The following C1GALT1 variants were observed in gnomAD, a reference collection of about 807,000 sequenced individuals.
C1GALT1 encodes the protein glycoprotein-N-acetylgalactosamine 3-beta-galactosyltransferase 1.
C1GALT1 carries 11 observed loss-of-function variants against 31.0 expected under a neutral mutation model. The observed-to-expected ratio is 0.36, with a 90% confidence interval of 0.22 to 0.59. The LOEUF is 0.59. Ranked by LOEUF, C1GALT1 falls within the 20% of genes least tolerant of loss-of-function variation. The probability of loss-of-function intolerance (pLI) is 0.79; values close to 1 mark genes in which losing one functional copy is unlikely to be tolerated. For synonymous variants in C1GALT1, 175 were observed against 143.6 expected (o/e 1.22, Z -1.56); for missense variants, 424 against 425.2 (o/e 1.00, Z 0.03).
Position 7,189,999 on chromosome 7 carries a change from TAG to T in C1GALT1, c.-18+7182_-18+7183del, listed in dbSNP as rs138272801. Among the ~76,000 whole-genome samples, 1,052 of 152,268 alleles carry T rather than the reference TAG, an allele frequency of 6.9e-3. 16 individuals are homozygous for T. The highest frequency in any genetic ancestry group is 0.024 in the African/African-American group (1,001 of 41,532). On this transcript the variant is annotated intron_variant, in intron 1 of 3. Coordinates refer to ENST00000436587, the MANE Select transcript of C1GALT1 (RefSeq NM_020156.5). ...TTTCCACATGAATTTTTGTTTTCCATAGAGTCTTTATTTCAACCTGATGAAGT... is the reference window on the plus strand; with the variant it reads ...TTTCCACATGAATTTTTGTTTTCCATAGTCTTTATTTCAACCTGATGAAGT...
At chr7:7,227,576 C>T (rs377462348) in intron 1 of C1GALT1, among the ~76,000 whole-genome samples, 20 of 151,872 alleles carry the variant, frequency 1.3e-4, no homozygotes, top group African/African-American at 4.6e-4. Flanking sequence ...AAAAATTAGC[C>T]GGGCGTAGTG....
chr7:7,176,544 G>A (rs12667853), intron 2 of C1GALT1, among the ~76,000 whole-genome samples: 8,764 of 152,156 alleles, frequency 0.058, 336 homozygotes, highest in East Asian at 0.17. Context: ...TTCTAGCCTC[G>A]TAAGCTGAGA....
intron 1 of C1GALT1, among the ~76,000 whole-genome samples, chr7:7,196,127 A>G (rs548277207): frequency 3.4e-4 from 52 of 152,230 alleles, no homozygotes; most frequent in Non-Finnish European, 6.0e-4. Context: ...CGTTTGTTAC[A>G]TATGTATACA....
intron 1 of C1GALT1, among the ~76,000 whole-genome samples, chr7:7,196,780 A>C (rs1191399230): frequency 2.0e-5 from 3 of 152,066 alleles, no homozygotes; most frequent in African/African-American, 7.2e-5. Context: ...ATGGTATCTT[A>C]TTGTGGTTTT....
intron 3 of C1GALT1, among the ~76,000 whole-genome samples, chr7:7,242,857 A>G (rs1783692023): frequency 6.6e-6 from 1 of 152,128 alleles, no homozygotes; most frequent in Non-Finnish European, 1.5e-5. Flanking sequence ...TTTATTGGGC[A>G]TTTATTTTAA....
chr7:7,160,783 C>T (rs1484192959), intron 2 of C1GALT1, among the ~76,000 whole-genome samples: 1 of 151,876 alleles, frequency 6.6e-6, no homozygotes, highest in East Asian at 1.9e-4. Flanking sequence ...GAAACCAGTC[C>T]CCAGGACTAA....
In C1GALT1 at chr7:7,182,812, T is replaced by G. The variant is rs929952845; in HGVS notation, c.-26T>G. 1 of 985,384 alleles carries G rather than the reference T, an allele frequency of 1.0e-6. No individual in the cohort carries two copies. Among genetic ancestry groups the G allele is most frequent in the Non-Finnish European group, 1.2e-6 (1 of 830,064 alleles). 61.0% of individuals were successfully genotyped at this position (985,384 alleles called of 1,614,324 possible). A position where few individuals can be genotyped will look rare whatever the true frequency, so the allele number is the denominator to read the frequency against. Reference sequence around the variant, plus strand: ...AGGAGGGGCGAGAGGGAGCCGCAGCTGATGTCAGGTATGGCCGGCGGAGGC... The same window carrying G: ...AGGAGGGGCGAGAGGGAGCCGCAGCGGATGTCAGGTATGGCCGGCGGAGGC... On this transcript the variant is annotated 5_prime_UTR_variant, in exon 1 of 4. Transcript: ENST00000436587.
intron 1 of C1GALT1, among the ~76,000 whole-genome samples, chr7:7,216,800 A>G (rs904385215): frequency 1.3e-5 from 2 of 152,230 alleles, no homozygotes; most frequent in African/African-American, 2.4e-5. Context: ...ACTTAAAAGC[A>G]TAAACTTCCG....
At position 7,246,918 on chromosome 7, in the gene C1GALT1, T is replaced by C. The variant is rs1241020159; in HGVS notation, c.*3191T>C. The stretch of plus-strand genomic sequence containing the variant: ...TTAAAGGATCATTGGATCATTCATT[T>C]TGGCCAAATTTTTAGCTTCTCCAAA... On this transcript the variant is annotated 3_prime_UTR_variant, in exon 4 of 4. Coordinates refer to ENST00000436587, the MANE Select transcript of C1GALT1 (RefSeq NM_020156.5). 2 of 152,214 alleles carry C rather than the reference T, an allele frequency of 1.3e-5. No individual in the cohort carries two copies. The highest frequency in any genetic ancestry group is 2.9e-5 in the Non-Finnish European group (2 of 68,026). The allele number at this position is 152,214 out of a possible 1,614,324, so 9.4% of individuals were successfully genotyped here. A position where few individuals can be genotyped will look rare whatever the true frequency, so the allele number is the denominator to read the frequency against.
At chr7:7,193,294 A>T (rs1354787374) in intron 1 of C1GALT1, among the ~76,000 whole-genome samples, 1 of 152,016 alleles carries the variant, frequency 6.6e-6, no homozygotes, top group East Asian at 1.9e-4. Flanking sequence ...GTCTTAAAAG[A>T]TTTAAGTCTT....
intron 2 of C1GALT1, among the ~76,000 whole-genome samples, chr7:7,236,877 A>C (rs555643505): frequency 9.2e-5 from 14 of 152,254 alleles, no homozygotes; most frequent in African/African-American, 3.1e-4. Context: ...ATTCCCTCTC[A>C]GTTGGTTAAC....
chr7:7,208,585 C>G (rs1278758072), intron 1 of C1GALT1, among the ~76,000 whole-genome samples: 1 of 152,094 alleles, frequency 6.6e-6, no homozygotes, highest in Non-Finnish European at 1.5e-5. Context: ...GGGAGAGCAC[C>G]AGCCTTTAAG....
At chr7:7,223,759 T>A (rs1404432365) in intron 1 of C1GALT1, among the ~76,000 whole-genome samples, 2 of 152,166 alleles carry the variant, frequency 1.3e-5, no homozygotes, top group Non-Finnish European at 2.9e-5. Context: ...TTCTCTTTTT[T>A]ATTTTTCTCC....
chr7:7,209,018 T>C (rs1781874383), intron 1 of C1GALT1, among the ~76,000 whole-genome samples: 1 of 152,210 alleles, frequency 6.6e-6, no homozygotes, highest in Non-Finnish European at 1.5e-5. Flanking sequence ...TACAGACTCA[T>C]TCTTGGTGCT....
chr7:7,239,023 A>G (rs758782508), intron 3 of C1GALT1, 101 bp downstream of exon 3: 28 of 935,270 alleles, frequency 3.0e-5, no homozygotes, highest in Non-Finnish European at 4.3e-5. Flanking sequence ...ACCAACAACA[A>G]GGACTCTTCC....
intron 1 of C1GALT1, among the ~76,000 whole-genome samples, chr7:7,220,922 C>G (rs938098241): frequency 6.6e-6 from 1 of 152,158 alleles, no homozygotes; most frequent in African/African-American, 2.4e-5. Flanking sequence ...TGCTTTTTAG[C>G]TTTCAATGTT....
intron 1 of C1GALT1, among the ~76,000 whole-genome samples, chr7:7,214,007 G>T (rs559055302): frequency 6.6e-6 from 1 of 152,318 alleles, no homozygotes; most frequent in Admixed American, 6.5e-5. Context: ...CCAGTGGGGG[G>T]TAGGGATGTT....
rs568206462 is a variant in C1GALT1 at position 7,200,458 on chromosome 7, C to G, written c.-18+17638C>G. On this transcript the variant is annotated intron_variant, in intron 1 of 3. Coordinates refer to ENST00000436587, the MANE Select transcript of C1GALT1 (RefSeq NM_020156.5). ...TTTGTGAGTAACCTGACCTTTCAGT[C>G]TGACAATTATGTGTCTTGGGGTTGC... Among the ~76,000 whole-genome samples the G allele has an allele frequency of 1.8e-4, 27 of 152,248 alleles. 1 individual carries two copies. Among genetic ancestry groups the G allele is most frequent in the Admixed American group, 1.5e-3 (23 of 15,300 alleles).
chr7:7,179,670 ATATAATC>A (rs1780547942), upstream of C1GALT1, among the ~76,000 whole-genome samples: 1 of 152,148 alleles, frequency 6.6e-6, no homozygotes, highest in Admixed American at 6.5e-5. Flanking sequence ...TATAGAAGGG[ATATAATC>A]TTCCTCACCT....
Sources: allele counts gnomAD v4.1 joint callset (sites outside exome capture counted in the v4.1 genomes callset), GRCh38; gene constraint gnomAD v4.1.1; transcripts MANE v1.5; gene names NCBI Gene and HGNC (gene_info 2026-07-23, HGNC 2026-07-21).